The following INSR variants were observed in gnomAD, a reference collection of about 807,000 sequenced individuals.
INSR encodes the protein IR.
In INSR, 67 loss-of-function variants were observed where a neutral mutation model predicts 142.6. That is an observed-to-expected ratio of 0.47 (90% CI 0.39 to 0.58). The LOEUF is 0.58. Ranked by LOEUF, INSR falls within the 20% of genes least tolerant of loss-of-function variation. INSR has a pLI of 0.00. For missense variants in INSR, 1,248 were observed against 1,833.2 expected (o/e 0.68, Z 5.83); for synonymous variants, 756 against 743.1 (o/e 1.02, Z -0.28).
intron 2 of INSR, among the ~76,000 whole-genome samples, chr19:7,233,457 G>A (rs1976055559): frequency 6.6e-6 from 1 of 152,056 alleles, no homozygotes; most frequent in African/African-American, 2.4e-5. Flanking sequence ...AGAAAGAAAT[G>A]AAACATGACT....
chr19:7,267,265 C>T lies in INSR; in HGVS notation c.652+80G>A. 10 of 1,480,382 alleles carry T rather than the reference C, an allele frequency of 6.8e-6. No individual in the cohort carries two copies. Among genetic ancestry groups the T allele is most frequent in the Non-Finnish European group, 6.6e-6 (7 of 1,068,560 alleles). The allele number at this position is 1,480,382 out of a possible 1,614,324, so 91.7% of individuals were successfully genotyped here. ...CGGCCCCTACCTAATGACCATTTAA[C>T]ATTTTTAAGCCATAAAACATTTTAA... On this transcript the variant is annotated intron_variant, in intron 2 of 21. Coordinates refer to ENST00000302850, the MANE Select transcript of INSR (RefSeq NM_000208.4). The surrounding 1 kb of genome is among the most constrained non-coding windows in gnomAD (Gnocchi z 6.3).
At chr19:7,265,468 C>T (rs1461034903) in intron 2 of INSR, among the ~76,000 whole-genome samples, 5 of 152,104 alleles carry the variant, frequency 3.3e-5, no homozygotes, top group Non-Finnish European at 5.9e-5. Flanking sequence ...AGGCTGGGCG[C>T]GGTGGCTCAC....
At position 7,116,937 on chromosome 19, in the gene INSR, G is replaced by A. The variant is rs769268698; in HGVS notation, c.*119C>T. Reference sequence around the variant, plus strand: ...AAGATGAACAGAAATGTATAGGAACGATCTCTGAACTCCATTGGACATGGT... The same window carrying A: ...AAGATGAACAGAAATGTATAGGAACAATCTCTGAACTCCATTGGACATGGT... On this transcript the variant is annotated 3_prime_UTR_variant, in exon 22 of 22. Coordinates refer to ENST00000302850, the MANE Select transcript of INSR (RefSeq NM_000208.4). 1.2e-6 allele frequency: 1 copy of A among 840,134 alleles called. No homozygotes were observed. The highest frequency in any genetic ancestry group is 2.1e-6 in the Non-Finnish European group (1 of 480,726). 52.0% of individuals were successfully genotyped at this position (840,134 alleles called of 1,614,324 possible).
chr19:7,135,090 TAAA>T (rs5826960), intron 13 of INSR, among the ~76,000 whole-genome samples: 1 of 78,454 alleles, frequency 1.3e-5, no homozygotes, highest in Non-Finnish European at 2.2e-5. Context: ...AAAGAAATGT[TAAA>T]AAAAAAAAAA....
chr19:7,266,936 T>C (rs1199840518), intron 2 of INSR, among the ~76,000 whole-genome samples: 1 of 151,976 alleles, frequency 6.6e-6, no homozygotes, highest in Admixed American at 6.6e-5. Context: ...GAATCTACAG[T>C]TTTCCACTCC....
intron 2 of INSR, among the ~76,000 whole-genome samples, chr19:7,253,939 G>A (rs1273893727): frequency 6.6e-6 from 1 of 150,752 alleles, no homozygotes; most frequent in African/African-American, 2.4e-5. Context: ...TGAGGTAGGA[G>A]AATCGCTTGA....
chr19:7,140,549 C>A (rs1045415683), intron 13 of INSR, among the ~76,000 whole-genome samples: 1 of 152,180 alleles, frequency 6.6e-6, no homozygotes, highest in Non-Finnish European at 1.5e-5. Context: ...TGATTCTATT[C>A]TTCCAGGTTT....
chr19:7,227,363 C>T (rs1255461863), intron 2 of INSR, among the ~76,000 whole-genome samples: 1 of 151,864 alleles, frequency 6.6e-6, no homozygotes, highest in Non-Finnish European at 1.5e-5. Context: ...GCCTCAACCT[C>T]CTGAGCTCAA....
intron 1 of INSR, among the ~76,000 whole-genome samples, chr19:7,275,977 C>T (rs1968053399): frequency 6.6e-6 from 1 of 152,040 alleles, no homozygotes; most frequent in African/African-American, 2.4e-5. Context: ...TGAGAGCCAT[C>T]TTAGGAAGTG....
At chr19:7,270,316 T>TTCTCTCTCTCTC in intron 1 of INSR, among the ~76,000 whole-genome samples, 1 of 128,270 alleles carries the variant, frequency 7.8e-6, no homozygotes, top group East Asian at 2.6e-4. Context: ...TATATTTCAT[T>TTCTCTCTCTCTC]TCTCTCTCTC....
chr19:7,153,032 A>C (rs1973428054), intron 9 of INSR, 105 bp from the exon 10 acceptor site: 1 of 466,458 alleles, frequency 2.1e-6, no homozygotes, highest in Admixed American at 4.1e-5. Context: ...CACACCACAC[A>C]CACACACACC....
At chr19:7,238,804 G>A (rs1312492558) in intron 2 of INSR, among the ~76,000 whole-genome samples, 1 of 151,380 alleles carries the variant, frequency 6.6e-6, no homozygotes, top group African/African-American at 2.4e-5. Flanking sequence ...TCTCTCAATG[G>A]GCCCCATGCT....
chr19:7,135,976 A>AAAAGAAAG (rs904329252), intron 13 of INSR, among the ~76,000 whole-genome samples: 1 of 146,566 alleles, frequency 6.8e-6, no homozygotes, highest in South Asian at 2.1e-4. Flanking sequence ...TCAAAAAAAA[A>AAAAGAAAG]AAAGAAAGAA....
At chr19:7,162,970 CAA>C (rs1973795348) in intron 9 of INSR, 60 bp downstream of exon 9, 2 of 1,566,358 alleles carry the variant, frequency 1.3e-6, no homozygotes, top group Non-Finnish European at 1.8e-6. Context: ...AGAGGTGAAG[CAA>C]AGTGCATCAG....
chr19:7,155,593 G>C (rs1054789759), intron 9 of INSR, among the ~76,000 whole-genome samples: 1 of 136,716 alleles, frequency 7.3e-6, no homozygotes, highest in African/African-American at 3.1e-5. Context: ...GGGGGTGAGA[G>C]AGAGAATGGT....
chr19:7,197,988 T>G (rs1599994246), intron 2 of INSR, among the ~76,000 whole-genome samples: 1 of 137,596 alleles, frequency 7.3e-6, no homozygotes, highest in Non-Finnish European at 1.6e-5. Flanking sequence ...ATGGTGGGAG[T>G]GTGTGTGTGT....
At chr19:7,218,997 G>C (rs1336638589) in intron 2 of INSR, among the ~76,000 whole-genome samples, 1 of 152,244 alleles carries the variant, frequency 6.6e-6, no homozygotes, top group East Asian at 1.9e-4. Flanking sequence ...TGTCAGAGAA[G>C]TAGGTAACTG....
At chr19:7,203,053 G>C (rs1225443101) in intron 2 of INSR, among the ~76,000 whole-genome samples, 1 of 143,008 alleles carries the variant, frequency 7.0e-6, no homozygotes, top group African/African-American at 2.7e-5. Flanking sequence ...ACTATTCCAA[G>C]AGCACTTTAA....
At chr19:7,162,059 G>C (rs1259446941) in intron 9 of INSR, among the ~76,000 whole-genome samples, 1 of 152,052 alleles carries the variant, frequency 6.6e-6, no homozygotes, top group African/African-American at 2.4e-5. Flanking sequence ...AGGCGTGGTG[G>C]CTCATGCCTG....
Sources: allele counts gnomAD v4.1 joint callset (sites outside exome capture counted in the v4.1 genomes callset), GRCh38; gene constraint gnomAD v4.1.1; non-coding constraint Gnocchi (gnomAD v3.1); transcripts MANE v1.5; gene names NCBI Gene and HGNC (gene_info 2026-07-23, HGNC 2026-07-21).